The following MACROD1 variants were observed in gnomAD, a reference collection of about 807,000 sequenced individuals.
MACROD1 encodes the protein ADP-ribose glycohydrolase MACROD1.
Under a neutral mutation model 41.4 loss-of-function variants are expected in MACROD1, and 31 were observed. That is an observed-to-expected ratio of 0.75 (90% CI 0.56 to 1.01). The LOEUF is 1.01. Ranked by LOEUF, MACROD1 falls within the 50% of genes least tolerant of loss-of-function variation. MACROD1 has a pLI of 0.00. For missense variants in MACROD1, 473 were observed against 460.0 expected (o/e 1.03, Z -0.26); for synonymous variants, 252 against 203.4 (o/e 1.24, Z -2.03).
Position 63,999,377 on chromosome 11 carries a change from A to G in MACROD1, c.845T>C (p.Ile282Thr). The G allele has an allele frequency of 2.5e-6, 4 of 1,592,916 alleles. No homozygotes were observed. Among genetic ancestry groups the G allele is most frequent in the Non-Finnish European group, 3.4e-6 (4 of 1,174,280 alleles). Residue 282 changes from isoleucine (I) to threonine (T), a missense_variant, in exon 8 of 11, where the codon ATC becomes ACC. Coordinates refer to ENST00000255681, the MANE Select transcript of MACROD1 (RefSeq NM_014067.4). ...CCACTCTCGCAGCGTGGCCAGCACG[A>G]TCTCGGCGGCCGCCTCACAGGGGTA... ...FGYPCEAAAE[I>T]VLATLREWLE...
Position 63,998,869 on chromosome 11 carries a change from C to A in MACROD1, c.977G>T (p.Ter326LeuextTer7). 1 of 1,594,000 alleles carries A rather than the reference C, an allele frequency of 6.3e-7. No individual in the cohort carries two copies. Residue 326 changes from the stop codon to leucine, a stop_lost, in exon 10 of 11, where the codon TGA (stop) becomes TTA (leucine). Coordinates refer to ENST00000255681, the MANE Select transcript of MACROD1 (RefSeq NM_014067.4). ...SRLPHYFPVA[*>L] ...CGGTCAGGGTGGGCTGCGGGAGCCTCAGGCTGGAAGGCAGAGGACAGTGAG... is the reference window on the plus strand; with the variant it reads ...CGGTCAGGGTGGGCTGCGGGAGCCTAAGGCTGGAAGGCAGAGGACAGTGAG...
chr11:64,023,763 G>T, intron 3 of MACROD1, among the ~76,000 whole-genome samples: 1 of 151,930 alleles, frequency 6.6e-6, no homozygotes, highest in Non-Finnish European at 1.5e-5. Flanking sequence ...ACACCTCCAG[G>T]TGCCCCCTGC....
At chr11:64,148,717 G>A (rs1047493959) in intron 3 of MACROD1, 15 of 985,352 alleles carry the variant, frequency 1.5e-5, no homozygotes, top group Non-Finnish European at 1.8e-5. Context: ...AGGCACAGAC[G>A]CAGATTTATG....
At position 64,113,477 on chromosome 11, in the gene MACROD1, T is replaced by TATGG. The variant is rs548042849; in HGVS notation, c.517+37758_517+37761dup. Among the ~76,000 whole-genome samples the TATGG allele has an allele frequency of 1.7e-4, 17 of 102,996 alleles. 1 individual carries two copies. The East Asian group carries it at 2.6e-3, about 16-fold the overall frequency. 67.6% of individuals were successfully genotyped at this position (102,996 alleles called of 152,430 possible). On this transcript the variant is annotated intron_variant, in intron 3 of 10. Transcript: ENST00000255681. ...AGGTGGATGCATGGATTGATGCATA[T>TATGG]ATGGATGGATGGATGGATGGTTGGA...
intron 3 of MACROD1, among the ~76,000 whole-genome samples, chr11:64,083,922 CA>C (rs1197644300): frequency 2.6e-5 from 4 of 152,198 alleles, no homozygotes; most frequent in Non-Finnish European, 5.9e-5. Context: ...GCCCCGTGGG[CA>C]GGGGCACATA....
chr11:64,165,276 G>A (rs1945821516), intron 1 of MACROD1, among the ~76,000 whole-genome samples: 1 of 152,174 alleles, frequency 6.6e-6, no homozygotes, highest in South Asian at 2.1e-4. Context: ...TGCAAAGTTT[G>A]GAGAGTCCGG....
chr11:64,028,516 G>A (rs1351171628), intron 3 of MACROD1, among the ~76,000 whole-genome samples: 1 of 152,236 alleles, frequency 6.6e-6, no homozygotes, highest in African/African-American at 2.4e-5. Flanking sequence ...GGAGGTCAGT[G>A]TGGCAGCCAT....
At chr11:64,144,859 G>A (rs976656258) in intron 3 of MACROD1, among the ~76,000 whole-genome samples, 2 of 152,266 alleles carry the variant, frequency 1.3e-5, no homozygotes, top group African/African-American at 4.8e-5. Context: ...ACAGTTCAGC[G>A]TCAGATCACT....
intron 1 of MACROD1, among the ~76,000 whole-genome samples, chr11:64,160,551 T>C (rs1333688964): frequency 1.3e-5 from 2 of 152,136 alleles, no homozygotes; most frequent in East Asian, 3.8e-4. Context: ...ACATCTGTAA[T>C]CTCAGCGCTA....
chr11:64,083,662 C>T (rs1241355877), intron 3 of MACROD1, among the ~76,000 whole-genome samples: 2 of 152,216 alleles, frequency 1.3e-5, no homozygotes, highest in Non-Finnish European at 2.9e-5. Flanking sequence ...ATGCCAACGC[C>T]GGGTCAGAGC....
chr11:64,042,798 T>C (rs1943513337), intron 3 of MACROD1, among the ~76,000 whole-genome samples: 1 of 152,168 alleles, frequency 6.6e-6, no homozygotes, highest in Admixed American at 6.5e-5. Context: ...AGCAGCACCA[T>C]GGCTCTGAGC....
chr11:64,091,992 G>A (rs766365600), intron 3 of MACROD1, among the ~76,000 whole-genome samples: 6 of 152,196 alleles, frequency 3.9e-5, no homozygotes, highest in Non-Finnish European at 7.4e-5. Context: ...AGAGGACAGC[G>A]GGGCTGCCGG....
intron 3 of MACROD1, among the ~76,000 whole-genome samples, chr11:64,125,679 A>C (rs1185407279): frequency 2.6e-5 from 4 of 152,186 alleles, no homozygotes; most frequent in African/African-American, 9.7e-5. Context: ...CAGATGGAGA[A>C]ATGTAGCCAC....
At chr11:64,112,358 C>A (rs1022774199) in intron 3 of MACROD1, among the ~76,000 whole-genome samples, 2 of 151,922 alleles carry the variant, frequency 1.3e-5, no homozygotes, top group African/African-American at 2.4e-5. Flanking sequence ...ACTAAAAATA[C>A]AAAAAATTAG....
chr11:64,144,083 G>GC (rs1329416994), intron 3 of MACROD1, among the ~76,000 whole-genome samples: 1 of 148,644 alleles, frequency 6.7e-6, no homozygotes, highest in South Asian at 2.1e-4. Context: ...ATCTGACCAA[G>GC]CCCCCCCAAC....
chr11:64,165,881 G>C lies in MACROD1; in HGVS notation c.114C>G (p.Arg38=). The C allele has an allele frequency of 1.4e-6, 2 of 1,407,136 alleles. No homozygotes were observed. Among genetic ancestry groups the C allele is most frequent in the Admixed American group, 3.3e-5 (1 of 30,512 alleles). 87.2% of individuals were successfully genotyped at this position (1,407,136 alleles called of 1,614,324 possible). A position where few individuals can be genotyped will look rare whatever the true frequency, so the allele number is the denominator to read the frequency against. The change falls in exon 1 of 11, where the codon CGC becomes CGG. Residue 38 remains arginine, a synonymous_variant. Transcript: ENST00000255681. ...PGHLAGATRT[R]SSTCGPPAFL... ...ACGCCGGGGGACCGCACGTGCTGCT[G>C]CGGGTCCTCGTGGCACCCGCCAAGT... is the stretch of plus-strand genomic sequence containing the variant.
At chr11:64,115,879 C>A (rs1442484020) in intron 3 of MACROD1, among the ~76,000 whole-genome samples, 2 of 152,224 alleles carry the variant, frequency 1.3e-5, no homozygotes, top group Non-Finnish European at 2.9e-5. Context: ...AGAGAAGAAA[C>A]CAAGCCTGCT....
chr11:64,143,514 C>T (rs1945443026), intron 3 of MACROD1, among the ~76,000 whole-genome samples: 1 of 152,178 alleles, frequency 6.6e-6, no homozygotes, highest in South Asian at 2.1e-4. Context: ...GGATACCGGG[C>T]AGGCTGAGGG....
At chr11:64,054,345 A>G (rs7103551) in intron 3 of MACROD1, among the ~76,000 whole-genome samples, 35,179 of 152,188 alleles carry the variant, frequency 0.23, 8,306 homozygotes, top group African/African-American at 0.59. Flanking sequence ...TGCAAAGGAA[A>G]GAAGCGGCCA....
Sources: gnomAD v4.1 joint callset for allele counts (sites outside exome capture counted in the v4.1 genomes callset) on GRCh38, gnomAD v4.1.1 for gene constraint, MANE v1.5 for transcripts, NCBI Gene and HGNC (gene_info 2026-07-23, HGNC 2026-07-21) for gene names.